The following PRKCB variants were observed in gnomAD, a reference collection of about 807,000 sequenced individuals.
PRKCB encodes the protein protein kinase C beta type.
Under a neutral mutation model 81.5 loss-of-function variants are expected in PRKCB, and 13 were observed. That is an observed-to-expected ratio of 0.16 (90% CI 0.10 to 0.25). The LOEUF (loss-of-function observed/expected upper bound fraction) is 0.25. Ranked by LOEUF, PRKCB falls within the 10% of genes least tolerant of loss-of-function variation. The pLI, the probability that PRKCB is intolerant of heterozygous loss-of-function variation, is 1.00. For synonymous variants in PRKCB, 335 were observed against 321.4 expected (o/e 1.04, Z -0.45); for missense variants, 509 against 875.7 (o/e 0.58, Z 5.29).
At chr16:24,048,140 G>A (rs1306179441) in intron 5 of PRKCB, among the ~76,000 whole-genome samples, 1 of 152,194 alleles carries the variant, frequency 6.6e-6, no homozygotes, top group African/African-American at 2.4e-5. Flanking sequence ...CAAAACCAAG[G>A]GACGGACACC....
At chr16:24,128,255 T>A (rs373265897) in intron 9 of PRKCB, among the ~76,000 whole-genome samples, 60 of 152,146 alleles carry the variant, frequency 3.9e-4, no homozygotes, top group Admixed American at 3.2e-3. Flanking sequence ...GGCGCCTGTA[T>A]TCCCAGCTAC....
At chr16:23,908,281 T>C (rs1963594051) in intron 2 of PRKCB, among the ~76,000 whole-genome samples, 1 of 151,910 alleles carries the variant, frequency 6.6e-6, no homozygotes, top group South Asian at 2.1e-4. Context: ...GTAGGAGTGA[T>C]TTGAAGAAGG....
At chr16:24,150,117 G>A (rs1305826458) in intron 9 of PRKCB, among the ~76,000 whole-genome samples, 3 of 152,224 alleles carry the variant, frequency 2.0e-5, no homozygotes, top group Non-Finnish European at 2.9e-5. Flanking sequence ...GATCACTGAA[G>A]GTCTGGAGTT....
chr16:24,172,216 T>G, intron 10 of PRKCB, 54 bp from the exon 11 acceptor site: 1 of 1,358,150 alleles, frequency 7.4e-7, no homozygotes. Context: ...ACTGTCCATT[T>G]GGAGCCCCAG....
intron 10 of PRKCB, among the ~76,000 whole-genome samples, chr16:24,163,175 C>T (rs1967290153): frequency 6.6e-6 from 1 of 152,138 alleles, no homozygotes; most frequent in Non-Finnish European, 1.5e-5. Context: ...TCACTAGGAA[C>T]CTTTTAAAAG....
chr16:24,190,300 T>G (rs1371631621), intron 15 of PRKCB, among the ~76,000 whole-genome samples: 1 of 152,222 alleles, frequency 6.6e-6, no homozygotes, highest in Admixed American at 6.5e-5. Flanking sequence ...GCAAGTGCTT[T>G]ACTGAGAAAT....
At chr16:23,957,835 G>T (rs1018242647) in intron 2 of PRKCB, among the ~76,000 whole-genome samples, 1 of 152,174 alleles carries the variant, frequency 6.6e-6, no homozygotes, top group East Asian at 1.9e-4. Flanking sequence ...ATCGTTAAGG[G>T]TATGCCTTCA....
chr16:24,136,184 A>G (rs1966864204), intron 9 of PRKCB, among the ~76,000 whole-genome samples: 1 of 151,640 alleles, frequency 6.6e-6, no homozygotes, highest in East Asian at 1.9e-4. Context: ...TCTCTCCTCA[A>G]TGAAGTGACT....
intron 2 of PRKCB, among the ~76,000 whole-genome samples, chr16:23,901,567 A>G (rs899027086): frequency 1.3e-5 from 2 of 152,220 alleles, no homozygotes; most frequent in Admixed American, 1.3e-4. Context: ...AAAGACAGAC[A>G]AGGCAGATTT....
intron 2 of PRKCB, among the ~76,000 whole-genome samples, chr16:23,974,585 C>T (rs1159512130): frequency 6.6e-6 from 1 of 152,174 alleles, no homozygotes; most frequent in Non-Finnish European, 1.5e-5. Context: ...GAGAACCCCT[C>T]GTCCTGGAAG....
chr16:23,881,010 C>T (rs1018739791), intron 2 of PRKCB, among the ~76,000 whole-genome samples: 1 of 152,100 alleles, frequency 6.6e-6, no homozygotes, highest in African/African-American at 2.4e-5. Context: ...CCATTTCTCA[C>T]TGTTACAAGC....
At position 24,190,975 on chromosome 16, in the gene PRKCB, G is replaced by A. The variant is rs1967783390; in HGVS notation, c.1723-115G>A. The A allele has an allele frequency of 3.0e-6, 4 of 1,314,038 alleles. No individual in the cohort carries two copies. In the South Asian group the frequency reaches 4.6e-5, roughly 15 times the overall value. 81.4% of individuals were successfully genotyped at this position (1,314,038 alleles called of 1,614,324 possible). A position where few individuals can be genotyped will look rare whatever the true frequency, so the allele number is the denominator to read the frequency against. On this transcript the variant is annotated intron_variant, in intron 15 of 16. Transcript: ENST00000643927. ...GATAAAAAGCAAAAAACAAAAATGA[G>A]TTGAGATTCTTCATTTGCGCTTTCT...
intron 10 of PRKCB, among the ~76,000 whole-genome samples, chr16:24,165,297 C>T (rs1967325272): frequency 6.6e-6 from 1 of 152,206 alleles, no homozygotes; most frequent in Admixed American, 6.5e-5. Context: ...TCCACCTCAG[C>T]CTCTCAAAGT....
Position 24,090,735 on chromosome 16 carries a change from G to A in PRKCB, c.530-2056G>A, listed in dbSNP as rs545943437. Among the ~76,000 whole-genome samples, 54 of 152,220 alleles carry A rather than the reference G, an allele frequency of 3.5e-4. 1 individual carries two copies. The highest frequency in any genetic ancestry group is 7.4e-4 in the Non-Finnish European group (50 of 68,012). ...CTAATGAATTGGAAAAATAGAAATT[G>A]GTGTAAGATAGTAGGGTACTTGAAA... On this transcript the variant is annotated intron_variant, in intron 5 of 16. Coordinates refer to ENST00000643927, the MANE Select transcript of PRKCB (RefSeq NM_002738.7).
chr16:24,190,615 G>C (rs563312646), intron 15 of PRKCB, among the ~76,000 whole-genome samples: 1 of 151,680 alleles, frequency 6.6e-6, no homozygotes, highest in South Asian at 2.1e-4. Context: ...CGCTTCCCGG[G>C]TTCAACAATT....
intron 5 of PRKCB, among the ~76,000 whole-genome samples, chr16:24,087,751 A>G (rs1256126329): frequency 6.6e-6 from 1 of 152,232 alleles, no homozygotes. Context: ...GTGAAGAACA[A>G]TTCTTGGAAA....
intron 2 of PRKCB, among the ~76,000 whole-genome samples, chr16:23,846,608 C>CAAAAA (rs33919504): frequency 6.0e-4 from 39 of 65,280 alleles, no homozygotes; most frequent in Non-Finnish European, 8.4e-4. Flanking sequence ...GACTCCGTCT[C>CAAAAA]AAAAAAAAAA....
At chr16:23,839,265 A>G (rs573825349) in intron 2 of PRKCB, among the ~76,000 whole-genome samples, 119 of 136,172 alleles carry the variant, frequency 8.7e-4, no homozygotes, top group African/African-American at 3.1e-3. Context: ...TGGGCGCTCT[A>G]GAGATAGGAG....
In PRKCB at chr16:24,174,676, G is replaced by A. The variant is rs556732488; in HGVS notation, c.1394+96G>A. ...AGCTGCTTTTAAAATTAGAATCCGC[G>A]GTGGGGGAGGAATCCTCCAGAACTA... On this transcript the variant is annotated intron_variant, in intron 12 of 16. Transcript: ENST00000643927. 261 of 1,183,792 alleles carry A rather than the reference G, an allele frequency of 2.2e-4. No individual in the cohort carries two copies. In the African/African-American group the frequency reaches 3.7e-3, roughly 17 times the overall value. 73.3% of individuals were successfully genotyped at this position (1,183,792 alleles called of 1,614,324 possible).
Sources: allele counts gnomAD v4.1 joint callset (sites outside exome capture counted in the v4.1 genomes callset), GRCh38; gene constraint gnomAD v4.1.1; transcripts MANE v1.5; gene names NCBI Gene and HGNC (gene_info 2026-07-23, HGNC 2026-07-21).